Variants in CEP63 observed in about 807,000 individuals in gnomAD.
CEP63 encodes centrosomal protein 63, also known as centrosomal protein of 63 kDa.
Under a neutral mutation model 89.1 loss-of-function variants are expected in CEP63, and 84 were observed. The ratio of observed to expected loss-of-function variants is 0.94; its 90% CI spans 0.79 to 1.13. The LOEUF is 1.13. Ranked by LOEUF, CEP63 falls within the 50% of genes most tolerant of loss-of-function variation. The pLI, the probability that CEP63 is intolerant of heterozygous loss-of-function variation, is 0.00. For missense variants in CEP63, 838 were observed against 813.3 expected (o/e 1.03, Z -0.37); for synonymous variants, 267 against 272.5 (o/e 0.98, Z 0.20).
chr3:134,726,623 C>T, the CEP63 span, among the ~76,000 whole-genome samples: 5 of 152,138 alleles, frequency 3.3e-5, no homozygotes, highest in Non-Finnish European at 7.3e-5. Context: ...AGAGCAGAAG[C>T]TTGATCTGAA....
At chr3:134,690,499 C>A in the CEP63 span, among the ~76,000 whole-genome samples, 2 of 152,136 alleles carry the variant, frequency 1.3e-5, no homozygotes, top group Non-Finnish European at 2.9e-5. Flanking sequence ...TCATAGGATG[C>A]TGCCTCTGAT....
chr3:134,532,780 A>G lies in CEP63; in HGVS notation c.321A>G (p.Leu107=). Residue 107 remains leucine (L), a splice_region_variant and synonymous_variant, in exon 5 of 15, where the codon TTA becomes TTG. Transcript: ENST00000675561. ...KQELKKLHEE[L]CILKRSYEKL... The stretch of plus-strand genomic sequence containing the variant: ...TATAGAAATAACTGTTTCTACAGTT[A>G]TGCATACTGAAGAGAAGCTATGAAA... 1.3e-6 allele frequency: 2 copies of G among 1,598,260 alleles called. No homozygotes were observed. The highest frequency in any genetic ancestry group is 1.7e-6 in the Non-Finnish European group (2 of 1,166,414).
chr3:134,698,410 G>C, the CEP63 span, among the ~76,000 whole-genome samples: 5 of 152,204 alleles, frequency 3.3e-5, no homozygotes, highest in Non-Finnish European at 7.3e-5. Context: ...TGAGTGAAGG[G>C]GGGCGGGATG....
At chr3:134,489,134 C>T (rs1936769401) in intron 1 of CEP63, among the ~76,000 whole-genome samples, 1 of 145,868 alleles carries the variant, frequency 6.9e-6, no homozygotes, top group Admixed American at 7.1e-5. Context: ...GCACTCCAGC[C>T]TGGGTGACGG....
Position 134,507,293 on chromosome 3 carries a change from C to A in CEP63, c.222+7C>A. 6.3e-7 allele frequency: 1 copy of A among 1,596,438 alleles called. No homozygotes were observed. The highest frequency in any genetic ancestry group is 8.6e-7 in the Non-Finnish European group (1 of 1,165,764). ...GGATGTGACACATAAGGAGGTAAAG[C>A]AATTTATTTGTTCTTCTTTTTGACA... On this transcript the variant is annotated splice_region_variant and intron_variant, in intron 3 of 14. Coordinates refer to ENST00000675561, the MANE Select transcript of CEP63 (RefSeq NM_001353108.3).
chr3:134,589,317 T>G (rs1388406378), downstream of CEP63, among the ~76,000 whole-genome samples: 1 of 152,176 alleles, frequency 6.6e-6, no homozygotes, highest in Admixed American at 6.5e-5. Flanking sequence ...CCATATCAAA[T>G]GATATATAAG....
At chr3:134,775,194 C>A in the CEP63 span, among the ~76,000 whole-genome samples, 1 of 152,162 alleles carries the variant, frequency 6.6e-6, no homozygotes, top group Non-Finnish European at 1.5e-5. Context: ...ATAAGCAGAG[C>A]CTGAGACAAG....
chr3:134,667,271 G>A, the CEP63 span, among the ~76,000 whole-genome samples: 1 of 152,216 alleles, frequency 6.6e-6, no homozygotes, highest in Non-Finnish European at 1.5e-5. Context: ...ATCTTTCCAG[G>A]TACTCTAACA....
chr3:134,776,393 C>G, the CEP63 span, among the ~76,000 whole-genome samples: 2 of 151,142 alleles, frequency 1.3e-5, no homozygotes, highest in East Asian at 3.9e-4. Flanking sequence ...AAATTATCAA[C>G]AAGATACTTA....
the CEP63 span, chr3:134,651,778 G>A: frequency 5.2e-5 from 13 of 252,156 alleles, no homozygotes; most frequent in Non-Finnish European, 6.3e-5. Context: ...GAGGAGGCTG[G>A]GGCACAGGGA....
chr3:134,597,353 A>G, the CEP63 span, among the ~76,000 whole-genome samples: 2 of 152,210 alleles, frequency 1.3e-5, no homozygotes, highest in African/African-American at 4.8e-5. Flanking sequence ...TCCACAAACC[A>G]TCTTGTGAAG....
intron 3 of CEP63, among the ~76,000 whole-genome samples, chr3:134,525,193 CGTTT>C (rs1261390873): frequency 5.9e-5 from 9 of 151,924 alleles, no homozygotes; most frequent in Middle Eastern, 6.8e-3. Flanking sequence ...TATTCTCTGA[CGTTT>C]GTTTGTATTT....
chr3:134,691,653 C>A, the CEP63 span, among the ~76,000 whole-genome samples: 1 of 152,094 alleles, frequency 6.6e-6, no homozygotes. Flanking sequence ...TAAAAACAGG[C>A]ATAACAAATC....
the CEP63 span, among the ~76,000 whole-genome samples, chr3:134,723,694 G>A: frequency 6.6e-6 from 1 of 152,194 alleles, no homozygotes; most frequent in South Asian, 2.1e-4. Flanking sequence ...TTGGGGTAAG[G>A]ATGGCTTAGG....
the CEP63 span, among the ~76,000 whole-genome samples, chr3:134,770,755 C>T: frequency 6.6e-6 from 1 of 152,106 alleles, no homozygotes; most frequent in Admixed American, 6.6e-5. Flanking sequence ...CTCTGAGATT[C>T]CACCTTCTTC....
intron 1 of CEP63, among the ~76,000 whole-genome samples, chr3:134,489,207 A>G (rs936472563): frequency 6.6e-6 from 1 of 151,918 alleles, no homozygotes; most frequent in Admixed American, 6.6e-5. Flanking sequence ...CATTAGCCAC[A>G]TTTCAAGTGC....
the CEP63 span, among the ~76,000 whole-genome samples, chr3:134,714,797 T>C: frequency 1.4e-4 from 21 of 152,240 alleles, no homozygotes; most frequent in Non-Finnish European, 3.1e-4. Flanking sequence ...TGGCCAGCCA[T>C]TCATTCAATC....
the CEP63 span, among the ~76,000 whole-genome samples, chr3:134,761,395 A>G: frequency 7.2e-5 from 11 of 152,230 alleles, no homozygotes; most frequent in Non-Finnish European, 8.8e-5. Context: ...GACTCCCTCC[A>G]GGAGAAAGGC....
chr3:134,570,280 C>A (rs147981057), intron 11 of CEP63, among the ~76,000 whole-genome samples: 1 of 152,334 alleles, frequency 6.6e-6, no homozygotes, highest in East Asian at 1.9e-4. Flanking sequence ...TGTTCTATTG[C>A]ATTGTCAGGC....
Sources: gnomAD v4.1 joint callset for allele counts (sites outside exome capture counted in the v4.1 genomes callset) on GRCh38, gnomAD v4.1.1 for gene constraint, MANE v1.5 for transcripts, NCBI Gene and HGNC (gene_info 2026-07-23, HGNC 2026-07-21) for gene names.